The following RFTN1 variants were observed in gnomAD, a reference collection of about 807,000 sequenced individuals.
RFTN1 encodes the protein raftlin, lipid raft linker 1, also known as raftlin.
Under a neutral mutation model 46.5 loss-of-function variants are expected in RFTN1, and 26 were observed. That is an observed-to-expected ratio of 0.56 (90% CI 0.41 to 0.78). The LOEUF is 0.78. RFTN1 is among the 30% of genes least tolerant of loss of function. The pLI is 0.00. For synonymous variants in RFTN1, 261 were observed against 284.2 expected (o/e 0.92, Z 0.82); for missense variants, 693 against 718.7 (o/e 0.96, Z 0.41).
chr3:16,403,174 C>A (rs961415391), intron 4 of RFTN1, among the ~76,000 whole-genome samples: 1 of 152,156 alleles, frequency 6.6e-6, no homozygotes, highest in African/African-American at 2.4e-5. Flanking sequence ...CTCCTATGCT[C>A]AACCTCACAT....
intron 2 of RFTN1, among the ~76,000 whole-genome samples, chr3:16,476,314 T>G (rs570389923): frequency 1.3e-5 from 2 of 152,200 alleles, no homozygotes; most frequent in African/African-American, 4.8e-5. Flanking sequence ...ATTCACTCAT[T>G]CAGTCATTCA....
Position 16,385,617 on chromosome 3 carries a change from C to G in RFTN1, c.442-7515G>C, listed in dbSNP as rs2074144688. ...TAATATTCATTTATTCATTCCATAA[C>G]TACTTACTGAATACCAATTGGAATC... On this transcript the variant is annotated intron_variant, in intron 4 of 9. Coordinates refer to ENST00000334133, the MANE Select transcript of RFTN1 (RefSeq NM_015150.2). This position sits in a 1 kb window ranked among gnomAD's most constrained non-coding sequence, Gnocchi z 5.0. Among the ~76,000 whole-genome samples, 1 of 152,196 alleles carries G rather than the reference C, an allele frequency of 6.6e-6. No homozygotes were observed. The highest frequency in any genetic ancestry group is 1.5e-5 in the Non-Finnish European group (1 of 68,036).
At chr3:16,505,383 T>C (rs2125010691) in intron 1 of RFTN1, among the ~76,000 whole-genome samples, 1 of 152,340 alleles carries the variant, frequency 6.6e-6, no homozygotes, top group Admixed American at 6.5e-5. Context: ...TCCTTTCCCG[T>C]ACCTCTCATC....
At chr3:16,377,695 A>T in intron 5 of RFTN1, 23 bp downstream of exon 5, 2 of 1,557,070 alleles carry the variant, frequency 1.3e-6, no homozygotes, top group Non-Finnish European at 1.7e-6. Flanking sequence ...GTGGGTCAAA[A>T]CTCCCATTGC....
At position 16,322,468 on chromosome 3, in the gene RFTN1, A is replaced by T. The variant is rs1383717042; in HGVS notation, c.1332+908T>A. Among the ~76,000 whole-genome samples the T allele has an allele frequency of 1.3e-5, 2 of 152,188 alleles. No homozygotes were observed. ...GAGTGATGCCAGGAGTGAGGAGCCG[A>T]GCAGGTCAGGCAGGCCCTGCCGAGA... On this transcript the variant is annotated intron_variant, in intron 9 of 9. Transcript: ENST00000334133. This position sits in a 1 kb window ranked among gnomAD's most constrained non-coding sequence, Gnocchi z 6.2.
chr3:16,482,650 T>C, intron 2 of RFTN1: 1 of 1,079,570 alleles, frequency 9.3e-7, no homozygotes, highest in East Asian at 2.6e-5. Flanking sequence ...ATTTGTAAAA[T>C]CAAGATCTCT....
At chr3:16,366,015 G>A (rs949328985) in intron 6 of RFTN1, among the ~76,000 whole-genome samples, 10 of 152,220 alleles carry the variant, frequency 6.6e-5, no homozygotes, top group African/African-American at 2.2e-4. Context: ...GGACTGCCAG[G>A]GTAGGAAAGG....
intron 6 of RFTN1, among the ~76,000 whole-genome samples, chr3:16,368,878 C>T (rs1302371784): frequency 2.0e-5 from 3 of 152,170 alleles, no homozygotes; most frequent in Non-Finnish European, 4.4e-5. Context: ...CTGGACAACC[C>T]AGGTACAGAA....
At chr3:16,435,783 A>T (rs1479866869) in intron 2 of RFTN1, among the ~76,000 whole-genome samples, 1 of 152,134 alleles carries the variant, frequency 6.6e-6, no homozygotes, top group African/African-American at 2.4e-5. Context: ...TACAAAATAA[A>T]TTCCTAGATG....
intron 1 of RFTN1, among the ~76,000 whole-genome samples, chr3:16,502,458 C>T (rs2076728040): frequency 6.6e-6 from 1 of 152,118 alleles, no homozygotes; most frequent in Admixed American, 6.5e-5. Flanking sequence ...CAGGACGACC[C>T]TCAGTGATCC....
rs2074097068 is a variant in RFTN1 at position 16,384,417 on chromosome 3, C to G, written c.442-6315G>C. Among the ~76,000 whole-genome samples the G allele has an allele frequency of 3.3e-5, 5 of 152,098 alleles. 1 individual carries two copies. The highest frequency in any genetic ancestry group is 4.1e-4 in the South Asian group (2 of 4,822). On this transcript the variant is annotated intron_variant, in intron 4 of 9. Coordinates refer to ENST00000334133, the MANE Select transcript of RFTN1 (RefSeq NM_015150.2). This position sits in a 1 kb window ranked among gnomAD's most constrained non-coding sequence, Gnocchi z 4.7. ...TACAGGCTCCCAAATGACAGTGAGC[C>G]CCAAACAGAAACAAGACAACTAGGA...
chr3:16,444,164 G>T (rs111820650), intron 2 of RFTN1, among the ~76,000 whole-genome samples: 2 of 152,188 alleles, frequency 1.3e-5, no homozygotes, highest in African/African-American at 4.8e-5. Flanking sequence ...TGAGTCAGAA[G>T]AAAGCAAATT....
At position 16,468,381 on chromosome 3, in the gene RFTN1, A is replaced by C. The variant is rs565028598; in HGVS notation, c.145+25344T>G. 6.6e-6 allele frequency among the ~76,000 whole-genome samples: 1 copy of C among 152,118 alleles called. No homozygotes were observed. Among genetic ancestry groups the C allele is most frequent in the Non-Finnish European group, 1.5e-5 (1 of 68,026 alleles). On this transcript the variant is annotated intron_variant, in intron 2 of 9. Coordinates refer to ENST00000334133, the MANE Select transcript of RFTN1 (RefSeq NM_015150.2). The surrounding 1 kb of genome is among the most constrained non-coding windows in gnomAD (Gnocchi z 4.4). Reference sequence around the variant, plus strand: ...GCTCCCTTAGATGCTGTCTGCCTATACCCCATGACTGTCAAAAATGTCCCC... The same window carrying C: ...GCTCCCTTAGATGCTGTCTGCCTATCCCCCATGACTGTCAAAAATGTCCCC...
rs2075257788 is a variant in RFTN1, at chr3:16,424,714, C to T, written c.332+9137G>A. Among the ~76,000 whole-genome samples, 1 of 152,052 alleles carries T rather than the reference C, an allele frequency of 6.6e-6. No homozygotes were observed. Among genetic ancestry groups the T allele is most frequent in the African/African-American group, 2.4e-5 (1 of 41,400 alleles). The stretch of plus-strand genomic sequence containing the variant: ...GCATTTACCTCTTTGTAAATGGTTC[C>T]ATCTTTCAATCATTTAAAATATAAA... On this transcript the variant is annotated intron_variant, in intron 3 of 9. Coordinates refer to ENST00000334133, the MANE Select transcript of RFTN1 (RefSeq NM_015150.2). This position sits in a 1 kb window ranked among gnomAD's most constrained non-coding sequence, Gnocchi z 4.7.
chr3:16,501,488 T>A (rs969674962), intron 1 of RFTN1, among the ~76,000 whole-genome samples: 6 of 152,200 alleles, frequency 3.9e-5, no homozygotes, highest in African/African-American at 1.4e-4. Context: ...TTAGCTTCAT[T>A]AAGAGTAAGC....
In RFTN1 at chr3:16,338,006, C is replaced by T. The variant is rs965288258; in HGVS notation, c.1147-11130G>A. Among the ~76,000 whole-genome samples, 17 of 152,202 alleles carry T rather than the reference C, an allele frequency of 1.1e-4. No individual in the cohort carries two copies. The highest frequency in any genetic ancestry group is 3.3e-4 in the Admixed American group (5 of 15,288). On this transcript the variant is annotated intron_variant, in intron 7 of 9. Transcript: ENST00000334133. This position sits in a 1 kb window ranked among gnomAD's most constrained non-coding sequence, Gnocchi z 5.3. ...AGATAAAAACCCACACTGGGTAGAT[C>T]GTCCTAGCTCGAGATGTTGCCCTGG...
At chr3:16,390,727 T>G (rs915872431) in intron 4 of RFTN1, among the ~76,000 whole-genome samples, 1 of 152,192 alleles carries the variant, frequency 6.6e-6, no homozygotes, top group African/African-American at 2.4e-5. Context: ...GTGTTATTCT[T>G]AAGGCATCAT....
chr3:16,454,304 T>C (rs894135946), intron 2 of RFTN1, among the ~76,000 whole-genome samples: 2 of 152,250 alleles, frequency 1.3e-5, no homozygotes, highest in African/African-American at 2.4e-5. Flanking sequence ...AGTGAGACCA[T>C]GCCGTGCTGA....
chr3:16,363,163 A>G (rs566515186), intron 6 of RFTN1, among the ~76,000 whole-genome samples: 17 of 152,354 alleles, frequency 1.1e-4, no homozygotes, highest in African/African-American at 3.8e-4. Context: ...TCAATGAACC[A>G]GAGAGCAGAC....
Sources: gnomAD v4.1 joint callset for allele counts (sites outside exome capture counted in the v4.1 genomes callset) on GRCh38, gnomAD v4.1.1 for gene constraint, Gnocchi (gnomAD v3.1) non-coding constraint, MANE v1.5 for transcripts, NCBI Gene and HGNC (gene_info 2026-07-23, HGNC 2026-07-21) for gene names.